ADGRL3: variants seen among roughly 807,000 people sequenced by gnomAD.
The protein encoded by ADGRL3 is adhesion G protein-coupled receptor L3.
A neutral mutation model predicts 153.5 loss-of-function variants in ADGRL3; 62 were observed. The observed-to-expected ratio is 0.40, with a 90% CI of 0.33 to 0.50. The LOEUF (loss-of-function observed/expected upper bound fraction) is 0.50. Among genes scored for constraint, ADGRL3 ranks in the 20% least tolerant of loss-of-function variants. ADGRL3 has a pLI of 0.47. For synonymous variants in ADGRL3, 710 were observed against 672.5 expected (o/e 1.06, Z -0.86); for missense variants, 1,641 against 1,859.4 (o/e 0.88, Z 2.16).
At chr4:61,962,241 A>T (rs1183563710) in intron 17 of ADGRL3, among the ~76,000 whole-genome samples, 1 of 152,190 alleles carries the variant, frequency 6.6e-6, no homozygotes, top group Non-Finnish European at 1.5e-5. Flanking sequence ...TCCATCTCAA[A>T]AAAAAAGAAA....
rs141261857 is a variant in ADGRL3 at position 61,238,136 on chromosome 4, G to C, written c.-240+36371G>C. On this transcript the variant is annotated intron_variant, in intron 1 of 26. Coordinates refer to ENST00000683033, the MANE Select transcript of ADGRL3 (RefSeq NM_001387552.1). ...AGATGCTGAGATTAGCATTAGGGTT[G>C]AACAGTAATTAGCATTTGTTCTTAT... 2.6e-5 allele frequency among the ~76,000 whole-genome samples: 4 copies of C among 152,282 alleles called. No homozygotes were observed. In the East Asian group the frequency reaches 7.7e-4, roughly 29 times the overall value.
chr4:61,473,733 A>T (rs990816710), intron 2 of ADGRL3, among the ~76,000 whole-genome samples: 5 of 152,138 alleles, frequency 3.3e-5, no homozygotes, highest in Non-Finnish European at 5.9e-5. Flanking sequence ...TTTAAAAAAA[A>T]ATAGAAAAGC....
At chr4:62,018,992 C>T (rs1358947460) in intron 21 of ADGRL3, among the ~76,000 whole-genome samples, 1 of 152,130 alleles carries the variant, frequency 6.6e-6, no homozygotes, top group African/African-American at 2.4e-5. Context: ...CAATTTAACA[C>T]CTGGACTCTT....
At chr4:61,649,182 A>C (rs1181101458) in intron 5 of ADGRL3, among the ~76,000 whole-genome samples, 2 of 152,068 alleles carry the variant, frequency 1.3e-5, no homozygotes, top group African/African-American at 4.8e-5. Context: ...CTAGCACGCC[A>C]TTCCTCTTAG....
At chr4:61,306,522 A>C (rs1415195318) in intron 1 of ADGRL3, among the ~76,000 whole-genome samples, 2 of 151,482 alleles carry the variant, frequency 1.3e-5, no homozygotes, top group African/African-American at 4.8e-5. Context: ...GAACTTTCCT[A>C]GTTTTAAAAC....
intron 3 of ADGRL3, among the ~76,000 whole-genome samples, chr4:61,506,735 AC>A (rs1323531459): frequency 6.6e-6 from 1 of 152,108 alleles, no homozygotes; most frequent in Non-Finnish European, 1.5e-5. Flanking sequence ...AAATTCAGTG[AC>A]CTAAATTAGA....
At chr4:61,909,504 C>G (rs2098712028) in intron 11 of ADGRL3, 56 bp from the exon 12 acceptor site, 1 of 1,185,410 alleles carries the variant, frequency 8.4e-7, no homozygotes, top group African/African-American at 1.5e-5. Context: ...TGAAAGAAAG[C>G]AATAAAAGTA....
chr4:61,871,060 C>T lies in ADGRL3; in HGVS notation c.1481-21596C>T, dbSNP rs1450682621. ...TTGGGAGGCCAAGGCGGGCGAATCA[C>T]GAGGTCAGGAGATCGAGACCATCCT... On this transcript the variant is annotated intron_variant, in intron 9 of 26. Transcript: ENST00000683033. Among the ~76,000 whole-genome samples the T allele has an allele frequency of 9.2e-5, 14 of 152,074 alleles. 1 individual carries two copies. The highest frequency in any genetic ancestry group is 3.2e-3 in the Middle Eastern group (1 of 316).
At position 61,899,805 on chromosome 4, in the gene ADGRL3, G is replaced by A. The variant is rs116072169; in HGVS notation, c.1887+3971G>A. 4.6e-3 allele frequency among the ~76,000 whole-genome samples: 700 copies of A among 152,310 alleles called. 3 individuals are homozygous for A. The highest frequency in any genetic ancestry group is 0.016 in the African/African-American group (671 of 41,570). ...GGGCCTGCTTTCTGGTTCATCAGCA[G>A]CACCTTCTCACTGAATCCTCACATG... is the stretch of plus-strand genomic sequence containing the variant. On this transcript the variant is annotated intron_variant, in intron 11 of 26. Coordinates refer to ENST00000683033, the MANE Select transcript of ADGRL3 (RefSeq NM_001387552.1).
chr4:61,941,821 G>A (rs1250848555), intron 15 of ADGRL3, among the ~76,000 whole-genome samples: 4 of 44,578 alleles, frequency 9.0e-5, no homozygotes, highest in Non-Finnish European at 1.2e-4. Context: ...ATCAGCTTAA[G>A]GAGATTTTGG....
At chr4:61,262,307 T>C (rs1181032082) in intron 1 of ADGRL3, among the ~76,000 whole-genome samples, 1 of 152,162 alleles carries the variant, frequency 6.6e-6, no homozygotes, top group East Asian at 1.9e-4. Context: ...TGTCTGATCA[T>C]AGTAACCCTT....
At chr4:61,495,112 G>C (rs963615548) in intron 2 of ADGRL3, among the ~76,000 whole-genome samples, 1 of 152,110 alleles carries the variant, frequency 6.6e-6, no homozygotes, top group African/African-American at 2.4e-5. Flanking sequence ...ACCATCGACA[G>C]GAGAACTGAG....
chr4:61,743,081 G>A (rs1317023246), intron 8 of ADGRL3, among the ~76,000 whole-genome samples: 1 of 151,704 alleles, frequency 6.6e-6, no homozygotes, highest in Non-Finnish European at 1.5e-5. Flanking sequence ...AGCACTTTGG[G>A]AAGCCAAGGC....
chr4:61,545,887 A>G (rs1310107842), intron 4 of ADGRL3, among the ~76,000 whole-genome samples: 4 of 151,880 alleles, frequency 2.6e-5, no homozygotes, highest in African/African-American at 7.3e-5. Context: ...AAACAAACAA[A>G]CAAACAAACA....
At chr4:61,753,919 C>T (rs1357681411) in intron 8 of ADGRL3, among the ~76,000 whole-genome samples, 3 of 152,172 alleles carry the variant, frequency 2.0e-5, no homozygotes, top group African/African-American at 7.2e-5. Flanking sequence ...GGCTAGGATA[C>T]CAAGCCAATG....
At chr4:61,322,808 G>A (rs745542180) in intron 1 of ADGRL3, among the ~76,000 whole-genome samples, 3 of 152,170 alleles carry the variant, frequency 2.0e-5, no homozygotes, top group Non-Finnish European at 4.4e-5. Context: ...CCAGGCACAC[G>A]GTGCAAGCTG....
chr4:61,990,226 A>G (rs2099099055), intron 19 of ADGRL3, among the ~76,000 whole-genome samples: 1 of 152,102 alleles, frequency 6.6e-6, no homozygotes, highest in Admixed American at 6.5e-5. Flanking sequence ...GTATTAACAC[A>G]TGCCATAAAA....
At chr4:62,032,678 G>A (rs893642748) in intron 23 of ADGRL3, among the ~76,000 whole-genome samples, 1 of 151,548 alleles carries the variant, frequency 6.6e-6, no homozygotes, top group African/African-American at 2.4e-5. Flanking sequence ...TCCCTTTCTA[G>A]GATTCTTAGT....
chr4:61,713,468 A>C (rs1183343188), intron 6 of ADGRL3, among the ~76,000 whole-genome samples: 1 of 152,066 alleles, frequency 6.6e-6, no homozygotes, highest in African/African-American at 2.4e-5. Context: ...GTGTTAAATT[A>C]ATCGCCCTTG....
Sources: allele counts gnomAD v4.1 joint callset (sites outside exome capture counted in the v4.1 genomes callset), GRCh38; gene constraint gnomAD v4.1.1; transcripts MANE v1.5; gene names NCBI Gene and HGNC (gene_info 2026-07-23, HGNC 2026-07-21).